The following DPY19L2 variants were observed in gnomAD, a reference collection of about 807,000 sequenced individuals.
DPY19L2 encodes probable C-mannosyltransferase DPY19L2.
A neutral mutation model predicts 97.9 loss-of-function variants in DPY19L2; 34 were observed. The ratio of observed to expected loss-of-function variants is 0.35; its 90% CI spans 0.26 to 0.46. The LOEUF is 0.46. DPY19L2 is among the 20% of genes least tolerant of loss of function. DPY19L2 has a pLI of 1.00. For synonymous variants in DPY19L2, 230 were observed against 307.9 expected, an observed-to-expected ratio of 0.75 and a Z score of 2.65; for missense variants, 623 against 911.4, an observed-to-expected ratio of 0.68 and a Z score of 4.07.
At chr12:63,625,064 T>C (rs142799673) in intron 7 of DPY19L2, among the ~76,000 whole-genome samples, 2,477 of 152,244 alleles carry the variant, frequency 0.016, 71 homozygotes, top group African/African-American at 0.056. Flanking sequence ...CTTTATCTAA[T>C]TGATTTTTAA....
chr12:63,572,661 T>C (rs2137299878), intron 19 of DPY19L2, among the ~76,000 whole-genome samples: 1 of 151,940 alleles, frequency 6.6e-6, no homozygotes, highest in East Asian at 1.9e-4. Context: ...CCCAACACAT[T>C]CCCAGTAGTG....
At chr12:63,596,767 A>G (rs1365323171) in intron 14 of DPY19L2, among the ~76,000 whole-genome samples, 1 of 152,186 alleles carries the variant, frequency 6.6e-6, no homozygotes, top group Non-Finnish European at 1.5e-5. Context: ...GTTATGTCCT[A>G]TGAAGAAAAT....
intron 6 of DPY19L2, among the ~76,000 whole-genome samples, chr12:63,635,678 A>C (rs1245800380): frequency 6.6e-6 from 1 of 152,158 alleles, no homozygotes; most frequent in Non-Finnish European, 1.5e-5. Flanking sequence ...AGTGGAAGAA[A>C]GGGTATCAGT....
At chr12:63,610,889 C>CA (rs1886900532) in intron 11 of DPY19L2, among the ~76,000 whole-genome samples, 11 of 62,904 alleles carry the variant, frequency 1.7e-4, no homozygotes, top group Non-Finnish European at 3.4e-4. Flanking sequence ...CACACACACA[C>CA]AAATATTTCT....
intron 6 of DPY19L2, among the ~76,000 whole-genome samples, chr12:63,637,195 T>C (rs1212171457): frequency 6.6e-6 from 1 of 152,032 alleles, no homozygotes; most frequent in African/African-American, 2.4e-5. Context: ...ACTGGGTACA[T>C]AACGAAATGA....
intron 4 of DPY19L2, among the ~76,000 whole-genome samples, chr12:63,650,411 T>G (rs1894041716): frequency 6.6e-6 from 1 of 152,118 alleles, no homozygotes; most frequent in South Asian, 2.1e-4. Flanking sequence ...ATTTTATACC[T>G]AGAAAGCCCC....
intron 11 of DPY19L2, 49 bp downstream of exon 11, chr12:63,617,255 T>C (rs1188781176): frequency 8.4e-7 from 1 of 1,193,544 alleles, no homozygotes; most frequent in Non-Finnish European, 1.2e-6. Flanking sequence ...CAGGAAAACA[T>C]GCTATTTGGC....
At chr12:63,600,185 A>G in intron 13 of DPY19L2, 121 bp downstream of exon 13, 1 of 744,032 alleles carries the variant, frequency 1.3e-6, no homozygotes, top group Non-Finnish European at 2.2e-6. Flanking sequence ...TAACTCGTCT[A>G]GAGACCTTAG....
intron 6 of DPY19L2, among the ~76,000 whole-genome samples, chr12:63,629,363 G>C (rs113921350): frequency 0.018 from 2,791 of 152,068 alleles, 77 homozygotes; most frequent in African/African-American, 0.063. Flanking sequence ...ATGCAGAGAA[G>C]TCCTTAAAGG....
At chr12:63,635,367 G>A (rs148206597) in intron 6 of DPY19L2, among the ~76,000 whole-genome samples, 7,649 of 152,084 alleles carry the variant, frequency 0.05, 561 homozygotes, top group African/African-American at 0.17. Context: ...TCTAAAAACC[G>A]GAGTGCCTCT....
At position 63,559,563 on chromosome 12, in the gene DPY19L2, C is replaced by T. The variant is rs1033446303; in HGVS notation, c.*949G>A. On this transcript the variant is annotated 3_prime_UTR_variant, in exon 22 of 22. Coordinates refer to ENST00000324472, the MANE Select transcript of DPY19L2 (RefSeq NM_173812.5). ...AAAACATGACTTTCCTCACCCAAAA[C>T]CAAAAATAAATGAGGGCTTAAAAAT... 1.3e-4 allele frequency: 20 copies of T among 152,490 alleles called. No homozygotes were observed. Among genetic ancestry groups the T allele is most frequent in the African/African-American group, 4.6e-4 (19 of 41,492 alleles). 9.4% of individuals were successfully genotyped at this position (152,490 alleles called of 1,614,324 possible).
chr12:63,656,654 C>T (rs191510552), intron 4 of DPY19L2, among the ~76,000 whole-genome samples: 2,010 of 152,134 alleles, frequency 0.013, 26 homozygotes, highest in Non-Finnish European at 0.022. Context: ...TCATCCTTTC[C>T]TCTCCCACTG....
intron 11 of DPY19L2, among the ~76,000 whole-genome samples, chr12:63,610,875 A>C (rs144621475): frequency 3.8e-4 from 39 of 103,488 alleles, no homozygotes; most frequent in Admixed American, 2.1e-3. Flanking sequence ...AAAAAAAAAA[A>C]CCACACACAC....
At chr12:63,654,728 C>A (rs1377949050) in intron 4 of DPY19L2, among the ~76,000 whole-genome samples, 1 of 151,984 alleles carries the variant, frequency 6.6e-6, no homozygotes, top group Non-Finnish European at 1.5e-5. Context: ...GCAAAATTAT[C>A]AGAGAAGGAA....
Position 63,668,261 on chromosome 12 carries a change from C to T in DPY19L2, c.133G>A (p.Gly45Arg). Residue 45 changes from glycine (G) to arginine (R), a missense_variant, in exon 1 of 22, where the codon GGG (glycine) becomes AGG (arginine). This residue lies in a region of DPY19L2 where 144 missense variants were observed against 119.4 expected (regional missense o/e 1.21). Coordinates refer to ENST00000324472, the MANE Select transcript of DPY19L2 (RefSeq NM_173812.5). ...CTCCAGGAGCCCCTTGGCAGTTTCC[C>T]GCCGCCTAGGGCCGACTTTTCCATC... ...EEMEKSALGG[G>R]KLPRGSWRSS... 3 of 1,613,870 alleles carry T rather than the reference C, an allele frequency of 1.9e-6. No homozygotes were observed. The highest frequency in any genetic ancestry group is 2.5e-6 in the Non-Finnish European group (3 of 1,179,878).
At chr12:63,644,656 T>TTG (rs368753709) in intron 5 of DPY19L2, among the ~76,000 whole-genome samples, 160 bp from the exon 6 acceptor site, 2 of 151,884 alleles carry the variant, frequency 1.3e-5, no homozygotes, top group African/African-American at 4.8e-5. Flanking sequence ...TTATAAGAGT[T>TTG]TGTGTGTGTG....
rs1592383850 is a variant in DPY19L2 at position 63,570,670 on chromosome 12, T to C, written c.2000+88A>G. The C allele has an allele frequency of 7.4e-6, 8 of 1,086,128 alleles. No homozygotes were observed. The East Asian group carries it at 2.0e-4, about 27-fold the overall frequency. 67.3% of individuals were successfully genotyped at this position (1,086,128 alleles called of 1,614,324 possible). On this transcript the variant is annotated intron_variant, in intron 20 of 21. Transcript: ENST00000324472. Reference sequence around the variant, plus strand: ...GTTTGTGTGTGTGTGTGTGTGTGTGTGTGTGTGTGTGTGTGTAAAATTTTC... The same window carrying C: ...GTTTGTGTGTGTGTGTGTGTGTGTGCGTGTGTGTGTGTGTGTAAAATTTTC...
chr12:63,623,623 C>T (rs2137827542), intron 8 of DPY19L2, among the ~76,000 whole-genome samples: 1 of 152,112 alleles, frequency 6.6e-6, no homozygotes, highest in East Asian at 1.9e-4. Context: ...TAACTCTATA[C>T]TCAATTTACT....
chr12:63,607,362 C>T (rs568605402), intron 12 of DPY19L2, among the ~76,000 whole-genome samples: 140 of 152,116 alleles, frequency 9.2e-4, no homozygotes, highest in African/African-American at 3.3e-3. Context: ...AGTGTAATGT[C>T]GATATGTGAA....
Sources: allele counts gnomAD v4.1 joint callset (sites outside exome capture counted in the v4.1 genomes callset), GRCh38; gene constraint gnomAD v4.1.1; regional missense constraint gnomAD v4.1.1; transcripts MANE v1.5; gene names NCBI Gene and HGNC (gene_info 2026-07-23, HGNC 2026-07-21).